PDE4D: variants seen among roughly 807,000 people sequenced by gnomAD.
The protein encoded by PDE4D is phosphodiesterase 4D, also known as 3',5'-cyclic-AMP phosphodiesterase 4D.
In PDE4D, 24 loss-of-function variants were observed where a neutral mutation model predicts 87.4. The observed-to-expected ratio is 0.27, with a 90% CI of 0.20 to 0.39. PDE4D has a LOEUF of 0.39. Among genes scored for constraint, PDE4D ranks in the 10% least tolerant of loss-of-function variants. The pLI is 1.00. For missense variants in PDE4D, 714 were observed against 1,041.0 expected (o/e 0.69, Z 4.32); for synonymous variants, 384 against 383.2 (o/e 1.00, Z -0.02).
Position 60,407,155 on chromosome 5 carries a change from CG to C in PDE4D, c.-90+80786del, listed in dbSNP as rs1407179358. Among the ~76,000 whole-genome samples, 5 of 152,242 alleles carry C rather than the reference CG, an allele frequency of 3.3e-5. No homozygotes were observed. In the East Asian group the frequency reaches 9.7e-4, roughly 29 times the overall value. On this transcript the variant is annotated intron_variant, in intron 1 of 16. Coordinates refer to the PDE4D transcript ENST00000502484. ...AGGAGCTGCTTGGTGACAAGAGGGT[CG>C]TTGAGTACCTGAGAGTACCTTTACC...
chr5:59,667,244 G>T (rs1273403948), intron 1 of PDE4D, among the ~76,000 whole-genome samples: 1 of 151,898 alleles, frequency 6.6e-6, no homozygotes. Context: ...TTTTTGGGGG[G>T]GAGGTTCTGA....
Position 59,799,431 on chromosome 5 carries a change from C to T in PDE4D, c.455+93737G>A, listed in dbSNP as rs1339341915. 2.0e-5 allele frequency among the ~76,000 whole-genome samples: 3 copies of T among 152,166 alleles called. No individual in the cohort carries two copies. In the East Asian group the frequency reaches 5.8e-4, roughly 29 times the overall value. On this transcript the variant is annotated intron_variant, in intron 1 of 14. Transcript: ENST00000340635. ...GAACTTGACTTAATGAATAAAATAA[C>T]AGATGGCATCTCATTTTTTATTGGG...
intron 1 of PDE4D, among the ~76,000 whole-genome samples, chr5:59,334,050 A>C (rs1777203720): frequency 6.6e-6 from 1 of 151,942 alleles, no homozygotes; most frequent in African/African-American, 2.4e-5. Context: ...GCTTAATGTT[A>C]AGTTATAGGG....
intron 3 of PDE4D, among the ~76,000 whole-genome samples, chr5:59,906,572 A>G (rs900768149): frequency 6.6e-6 from 1 of 152,218 alleles, no homozygotes; most frequent in East Asian, 1.9e-4. Flanking sequence ...TGAGTATGAC[A>G]GAGACTGTAT....
intron 3 of PDE4D, among the ~76,000 whole-genome samples, chr5:59,981,184 G>A (rs1268409118): frequency 6.6e-6 from 1 of 152,066 alleles, no homozygotes; most frequent in Non-Finnish European, 1.5e-5. Flanking sequence ...CCTGGGGGGC[G>A]GAGGTTGCAG....
intron 1 of PDE4D, among the ~76,000 whole-genome samples, chr5:60,319,110 T>C (rs1755939272): frequency 6.6e-6 from 1 of 152,260 alleles, no homozygotes; most frequent in South Asian, 2.1e-4. Flanking sequence ...TCCCCATCAC[T>C]TTCAGGTACA....
rs559210466 is a variant in PDE4D at position 59,824,507 on chromosome 5, G to T, written c.455+68661C>A. On this transcript the variant is annotated intron_variant, in intron 1 of 14. Coordinates refer to ENST00000340635, the MANE Select transcript of PDE4D (RefSeq NM_001104631.2). The stretch of plus-strand genomic sequence containing the variant: ...AGTGGCCATTCAATAAATATTTGTT[G>T]AGTAAGAGAATAGTTCAAAGAATTT... Among the ~76,000 whole-genome samples, 10 of 152,246 alleles carry T rather than the reference G, an allele frequency of 6.6e-5. No homozygotes were observed. The South Asian group carries it at 2.1e-3, about 32-fold the overall frequency.
intron 1 of PDE4D, among the ~76,000 whole-genome samples, chr5:59,638,953 T>C (rs1052600066): frequency 1.3e-5 from 2 of 152,184 alleles, no homozygotes; most frequent in African/African-American, 2.4e-5. Context: ...CACTATCTTT[T>C]GTAAAGGGCT....
At chr5:59,839,527 C>G (rs1581361075) in intron 1 of PDE4D, among the ~76,000 whole-genome samples, 1 of 151,964 alleles carries the variant, frequency 6.6e-6, no homozygotes, top group African/African-American at 2.4e-5. Flanking sequence ...AAGACACTTT[C>G]AGGACCATCC....
intron 2 of PDE4D, among the ~76,000 whole-genome samples, chr5:60,078,811 T>C (rs1582542357): frequency 6.6e-6 from 1 of 152,198 alleles, no homozygotes; most frequent in African/African-American, 2.4e-5. Flanking sequence ...TTTGGTTCCA[T>C]GTCTTTGCTA....
rs745830191 is a variant in PDE4D at position 60,452,862 on chromosome 5, C to T, written c.-90+35080G>A. On this transcript the variant is annotated intron_variant, in intron 1 of 16. Coordinates refer to the PDE4D transcript ENST00000502484. ...CATGTTTTCATTCAACTATACACAC[C>T]CCAGAAAAACGTAAAATGTGGCCAG... Among the ~76,000 whole-genome samples the T allele has an allele frequency of 3.7e-4, 56 of 151,856 alleles. 1 individual carries two copies. Among genetic ancestry groups the T allele is most frequent in the Middle Eastern group, 3.2e-3 (1 of 316 alleles).
intron 3 of PDE4D, among the ~76,000 whole-genome samples, chr5:59,914,866 GGTGTGTGT>G (rs3062699): frequency 0.27 from 32,495 of 122,434 alleles, 3,513 homozygotes; most frequent in Middle Eastern, 0.36. Context: ...TACTGATAGG[GGTGTGTGT>G]GTGTGTGTGT....
intron 3 of PDE4D, among the ~76,000 whole-genome samples, chr5:59,916,801 T>C (rs1754098649): frequency 1.3e-5 from 2 of 151,792 alleles, no homozygotes; most frequent in African/African-American, 4.8e-5. Context: ...TTTTTTTTTC[T>C]TTTTGAGACA....
At chr5:59,259,021 T>A (rs1383124857) in intron 1 of PDE4D, among the ~76,000 whole-genome samples, 2 of 151,872 alleles carry the variant, frequency 1.3e-5, no homozygotes, top group Non-Finnish European at 2.9e-5. Flanking sequence ...TCATTTCACT[T>A]GTGAGAGATC....
At chr5:59,563,210 G>C (rs1820339404) in intron 1 of PDE4D, among the ~76,000 whole-genome samples, 1 of 152,228 alleles carries the variant, frequency 6.6e-6, no homozygotes, top group Non-Finnish European at 1.5e-5. Context: ...CCTGAGGACA[G>C]AAGAGAAGGT....
At chr5:60,155,257 G>T (rs939427049) in intron 2 of PDE4D, among the ~76,000 whole-genome samples, 1 of 152,102 alleles carries the variant, frequency 6.6e-6, no homozygotes, top group Non-Finnish European at 1.5e-5. Flanking sequence ...CCAACACTAG[G>T]CATTGTCTAT....
rs1743458424 is a variant in PDE4D, at chr5:58,975,370, G to C, written c.2013+287C>G. Among the ~76,000 whole-genome samples the C allele has an allele frequency of 6.6e-6, 1 of 152,068 alleles. No homozygotes were observed. Among genetic ancestry groups the C allele is most frequent in the South Asian group, 2.1e-4 (1 of 4,826 alleles). On this transcript the variant is annotated intron_variant, in intron 14 of 14. Coordinates refer to ENST00000340635, the MANE Select transcript of PDE4D (RefSeq NM_001104631.2). This position sits in a 1 kb window ranked among gnomAD's most constrained non-coding sequence, Gnocchi z 4.2. ...TTATTTTACAATCACCAATTTGTAG[G>C]TGAATCCAGATAACTGAAATAATGC...
chr5:59,043,557 A>AT (rs547108709), intron 5 of PDE4D, among the ~76,000 whole-genome samples: 166 of 152,024 alleles, frequency 1.1e-3, no homozygotes, highest in African/African-American at 3.8e-3. Flanking sequence ...ACTGATCCAG[A>AT]TTTTTTTTAT....
chr5:60,488,062 A>G (rs1749296225), exon 1 of PDE4D: 1 of 152,612 alleles, frequency 6.6e-6, no homozygotes, highest in South Asian at 2.1e-4. Context: ...TACGCCAACT[A>G]TAGGACTCGT....
Sources: allele counts gnomAD v4.1 joint callset (sites outside exome capture counted in the v4.1 genomes callset), GRCh38; gene constraint gnomAD v4.1.1; non-coding constraint Gnocchi (gnomAD v3.1); transcripts MANE v1.5; gene names NCBI Gene and HGNC (gene_info 2026-07-23, HGNC 2026-07-21).